CAMTA1: variants seen among roughly 807,000 people sequenced by gnomAD.
The protein encoded by CAMTA1 is calmodulin binding transcription activator 1.
A neutral mutation model predicts 170.9 loss-of-function variants in CAMTA1; 27 were observed. The observed-to-expected ratio is 0.16, with a 90% CI of 0.12 to 0.22. The LOEUF (loss-of-function observed/expected upper bound fraction) is 0.22, where lower values mean the gene tolerates loss of function less well. CAMTA1 is among the 10% of genes least tolerant of loss of function. The probability of loss-of-function intolerance (pLI) is 1.00; values close to 1 mark genes in which losing one functional copy is unlikely to be tolerated. For synonymous variants in CAMTA1, 833 were observed against 891.5 expected (o/e 0.93, Z 1.17); for missense variants, 1,619 against 2,217.2 (o/e 0.73, Z 5.42).
intron 3 of CAMTA1, among the ~76,000 whole-genome samples, chr1:6,860,017 T>C (rs577840955): frequency 7.9e-5 from 12 of 152,244 alleles, no homozygotes; most frequent in Non-Finnish European, 1.3e-4. Context: ...TTTTTGGATA[T>C]GTTACTTTTT....
intron 3 of CAMTA1, among the ~76,000 whole-genome samples, chr1:6,900,920 A>G (rs1676798025): frequency 6.6e-6 from 1 of 152,248 alleles, no homozygotes; most frequent in Admixed American, 6.5e-5. Flanking sequence ...TTTTTATGGA[A>G]ATGCAAAAGA....
intron 5 of CAMTA1, among the ~76,000 whole-genome samples, chr1:7,314,118 A>C (rs1677143418): frequency 6.6e-6 from 1 of 152,244 alleles, no homozygotes; most frequent in African/African-American, 2.4e-5. Context: ...GTTACCAGCA[A>C]GTTCTCACAC....
chr1:7,626,329 G>C (rs2095633399), intron 6 of CAMTA1, among the ~76,000 whole-genome samples: 1 of 152,202 alleles, frequency 6.6e-6, no homozygotes, highest in Non-Finnish European at 1.5e-5. Flanking sequence ...GTCTTTAACA[G>C]GATTGAGTGC....
At chr1:7,621,598 T>C (rs898804558) in intron 6 of CAMTA1, among the ~76,000 whole-genome samples, 1 of 152,214 alleles carries the variant, frequency 6.6e-6, no homozygotes, top group Middle Eastern at 3.2e-3. Context: ...ATTAATTTCC[T>C]GTCAGGTGCC....
At chr1:7,473,984 C>T (rs958894049) in intron 6 of CAMTA1, among the ~76,000 whole-genome samples, 4 of 152,376 alleles carry the variant, frequency 2.6e-5, no homozygotes, top group Admixed American at 2.6e-4. Flanking sequence ...GTCCCTGAAC[C>T]CCAGCCCCTG....
intron 6 of CAMTA1, among the ~76,000 whole-genome samples, chr1:7,498,917 GTA>G (rs56156270): frequency 0.024 from 2,348 of 99,116 alleles, 41 homozygotes; most frequent in African/African-American, 0.074. Context: ...GAGTGCGTAT[GTA>G]TATGAGTGTG....
rs185931507 is a variant in CAMTA1 at position 7,257,280 on chromosome 1, A to G, written c.438+7654A>G. The stretch of plus-strand genomic sequence containing the variant: ...CATTCAGTTACTTGGTAACATCCCT[A>G]TCAGGTAGATACTATTGTCATCCTC... On this transcript the variant is annotated intron_variant, in intron 5 of 22. Coordinates refer to ENST00000303635, the MANE Select transcript of CAMTA1 (RefSeq NM_015215.4). 1.2e-3 allele frequency among the ~76,000 whole-genome samples: 184 copies of G among 152,206 alleles called. 1 individual carries two copies. Among genetic ancestry groups the G allele is most frequent in the African/African-American group, 4.2e-3 (175 of 41,546 alleles).
intron 1 of CAMTA1, among the ~76,000 whole-genome samples, chr1:6,818,490 G>C (rs1646092182): frequency 6.6e-6 from 1 of 152,130 alleles, no homozygotes; most frequent in African/African-American, 2.4e-5. Context: ...AAAGCACTTG[G>C]GTATGTATTA....
intron 12 of CAMTA1, among the ~76,000 whole-genome samples, chr1:7,735,026 T>A (rs545864174): frequency 5.9e-5 from 9 of 152,190 alleles, no homozygotes; most frequent in Non-Finnish European, 1.2e-4. Flanking sequence ...TGGTTAAAAT[T>A]AGTAAACTTC....
intron 6 of CAMTA1, among the ~76,000 whole-genome samples, chr1:7,540,325 G>A (rs952088210): frequency 6.6e-6 from 1 of 152,166 alleles, no homozygotes; most frequent in Admixed American, 6.5e-5. Flanking sequence ...CTGGAGTACG[G>A]GCAGGGTTTA....
At chr1:7,051,439 G>A (rs1383512235) in intron 3 of CAMTA1, among the ~76,000 whole-genome samples, 4 of 152,192 alleles carry the variant, frequency 2.6e-5, no homozygotes, top group African/African-American at 9.7e-5. Flanking sequence ...CTGGAGCTGC[G>A]TGGGGTGGGC....
At chr1:6,891,918 C>T (rs1674576883) in intron 3 of CAMTA1, among the ~76,000 whole-genome samples, 1 of 152,144 alleles carries the variant, frequency 6.6e-6, no homozygotes. Flanking sequence ...CCTCCCTTTT[C>T]ATGAACCTGA....
chr1:7,517,710 G>A (rs2094305807), intron 6 of CAMTA1, among the ~76,000 whole-genome samples: 2 of 152,084 alleles, frequency 1.3e-5, no homozygotes, highest in Admixed American at 6.5e-5. Context: ...GAGACACTTA[G>A]AGCAACCAAC....
At chr1:7,415,376 A>T (rs1441694730) in intron 5 of CAMTA1, among the ~76,000 whole-genome samples, 1 of 151,582 alleles carries the variant, frequency 6.6e-6, no homozygotes, top group Non-Finnish European at 1.5e-5. Context: ...TTCTCCCATT[A>T]TTATTGTGTG....
At chr1:7,199,683 A>G (rs1036429886) in intron 4 of CAMTA1, among the ~76,000 whole-genome samples, 7 of 139,798 alleles carry the variant, frequency 5.0e-5, no homozygotes, top group African/African-American at 1.6e-4. Context: ...AATGTATCCA[A>G]GGACGCATGG....
chr1:6,876,226 C>G (rs569625729), intron 3 of CAMTA1, among the ~76,000 whole-genome samples: 17 of 151,808 alleles, frequency 1.1e-4, no homozygotes, highest in African/African-American at 3.1e-4. Context: ...TTCCCTCTTT[C>G]CTTGTTTTCT....
chr1:7,039,168 C>G (rs1252409669), intron 3 of CAMTA1, among the ~76,000 whole-genome samples: 1 of 152,196 alleles, frequency 6.6e-6, no homozygotes, highest in Non-Finnish European at 1.5e-5. Flanking sequence ...TTACTTTATG[C>G]TTTATATACT....
At position 7,534,850 on chromosome 1, in the gene CAMTA1, G is replaced by A. The variant is rs1455828817; in HGVS notation, c.510+66949G>A. Among the ~76,000 whole-genome samples the A allele has an allele frequency of 6.6e-6, 1 of 152,206 alleles. No individual in the cohort carries two copies. The highest frequency in any genetic ancestry group is 2.4e-5 in the African/African-American group (1 of 41,450). Reference sequence around the variant, plus strand: ...ATGGCTTGTCCCTGAGGCTGCCTTGGGGCCAGAGGAAGTGGGTTTGCCTTT... The same window carrying A: ...ATGGCTTGTCCCTGAGGCTGCCTTGAGGCCAGAGGAAGTGGGTTTGCCTTT... On this transcript the variant is annotated intron_variant, in intron 6 of 22. Coordinates refer to ENST00000303635, the MANE Select transcript of CAMTA1 (RefSeq NM_015215.4). This position sits in a 1 kb window ranked among gnomAD's most constrained non-coding sequence, Gnocchi z 5.6.
chr1:7,217,602 C>A (rs1166241615), intron 4 of CAMTA1, among the ~76,000 whole-genome samples: 1 of 152,002 alleles, frequency 6.6e-6, no homozygotes, highest in African/African-American at 2.4e-5. Flanking sequence ...CTACATGATG[C>A]ATTTTCTATA....
Sources: gnomAD v4.1 joint callset for allele counts (sites outside exome capture counted in the v4.1 genomes callset) on GRCh38, gnomAD v4.1.1 for gene constraint, Gnocchi (gnomAD v3.1) non-coding constraint, MANE v1.5 for transcripts, NCBI Gene and HGNC (gene_info 2026-07-23, HGNC 2026-07-21) for gene names.